Variants in ERG observed in about 807,000 individuals in gnomAD.
ERG encodes transcriptional regulator ERG.
In ERG, 9 loss-of-function variants were observed where a neutral mutation model predicts 55.3. The observed-to-expected ratio is 0.16, with a 90% CI of 0.10 to 0.28. ERG has a LOEUF of 0.28. Among genes scored for constraint, ERG ranks in the 10% least tolerant of loss-of-function variants. The pLI, the probability that ERG is intolerant of heterozygous loss-of-function variation, is 1.00. For synonymous variants in ERG, 223 were observed against 237.3 expected (o/e 0.94, Z 0.55); for missense variants, 434 against 631.6 (o/e 0.69, Z 3.35).
intron 2 of ERG, among the ~76,000 whole-genome samples, chr21:38,535,923 C>T (rs1028292227): frequency 1.3e-5 from 2 of 152,128 alleles, no homozygotes; most frequent in African/African-American, 2.4e-5. Flanking sequence ...TAAGAAAACA[C>T]AATTTTTTTT....
intron 1 of ERG, among the ~76,000 whole-genome samples, chr21:38,658,318 T>C (rs1286248962): frequency 6.6e-6 from 1 of 152,190 alleles, no homozygotes; most frequent in Non-Finnish European, 1.5e-5. Flanking sequence ...GCTCCATAAG[T>C]CTCATTAGAA....
At chr21:38,441,252 C>T (rs1032042400) in intron 2 of ERG, among the ~76,000 whole-genome samples, 1 of 152,184 alleles carries the variant, frequency 6.6e-6, no homozygotes, top group Non-Finnish European at 1.5e-5. Context: ...GCCGTAGCAC[C>T]CAGTGACTTA....
chr21:38,420,938 G>A (rs1398062552), intron 3 of ERG, among the ~76,000 whole-genome samples: 1 of 152,112 alleles, frequency 6.6e-6, no homozygotes, highest in Non-Finnish European at 1.5e-5. Context: ...TAAGGAGGAG[G>A]GCAAAGGGTG....
At chr21:38,431,990 C>T (rs995444502) in intron 2 of ERG, among the ~76,000 whole-genome samples, 3 of 151,788 alleles carry the variant, frequency 2.0e-5, no homozygotes, top group Admixed American at 6.6e-5. Flanking sequence ...GAAGTCAATG[C>T]AAAAACATGA....
chr21:38,486,560 A>G (rs1235470133), intron 1 of ERG, among the ~76,000 whole-genome samples: 1 of 152,238 alleles, frequency 6.6e-6, no homozygotes, highest in East Asian at 1.9e-4. Context: ...TAAATGCAGG[A>G]TTCCTTTCCA....
intron 1 of ERG, among the ~76,000 whole-genome samples, chr21:38,632,981 A>C (rs985777908): frequency 6.6e-6 from 1 of 152,220 alleles, no homozygotes; most frequent in African/African-American, 2.4e-5. Flanking sequence ...AAGCAACCCA[A>C]ATGTCCATGG....
chr21:38,637,634 A>C (rs2060397854), intron 1 of ERG, among the ~76,000 whole-genome samples: 1 of 152,232 alleles, frequency 6.6e-6, no homozygotes, highest in Admixed American at 6.5e-5. Flanking sequence ...TATTAATTAT[A>C]ATTTTAATCA....
intron 1 of ERG, among the ~76,000 whole-genome samples, chr21:38,598,629 C>T (rs1318548464): frequency 6.6e-6 from 1 of 152,178 alleles, no homozygotes; most frequent in South Asian, 2.1e-4. Context: ...CATCCATGCA[C>T]AACTCTCTAA....
chr21:38,499,706 A>G, upstream of ERG, among the ~76,000 whole-genome samples: 1 of 151,366 alleles, frequency 6.6e-6, no homozygotes. Flanking sequence ...CAAAAGAAGG[A>G]GGAGAAGGAG....
chr21:38,572,540 C>T (rs2059965671), intron 2 of ERG, among the ~76,000 whole-genome samples: 1 of 152,062 alleles, frequency 6.6e-6, no homozygotes, highest in South Asian at 2.1e-4. Flanking sequence ...TCAAGAACCC[C>T]AATTTCATAT....
downstream of ERG, among the ~76,000 whole-genome samples, chr21:38,375,293 C>T (rs1250370201): frequency 6.6e-6 from 1 of 152,178 alleles, no homozygotes; most frequent in Non-Finnish European, 1.5e-5. Flanking sequence ...AAAACCCGAC[C>T]TCTATGTTAT....
At chr21:38,542,863 A>C (rs2059762790) in intron 2 of ERG, among the ~76,000 whole-genome samples, 1 of 152,250 alleles carries the variant, frequency 6.6e-6, no homozygotes, top group South Asian at 2.1e-4. Flanking sequence ...TTGCTATCAA[A>C]TTTACTGTTA....
rs534961122 is a variant in ERG at position 38,431,185 on chromosome 21, T to C, written c.237-7624A>G. ...ATATCAAATACATTGGAAATTTTGTTAAATTTGAGTTAAGGAGAGAAGGCA... is the reference window on the plus strand; with the variant it reads ...ATATCAAATACATTGGAAATTTTGTCAAATTTGAGTTAAGGAGAGAAGGCA... On this transcript the variant is annotated intron_variant, in intron 2 of 9. Coordinates refer to ENST00000288319, the MANE Select transcript of ERG (RefSeq NM_182918.4). Among the ~76,000 whole-genome samples, 56 of 152,322 alleles carry C rather than the reference T, an allele frequency of 3.7e-4. No individual in the cohort carries two copies. In the South Asian group the frequency reaches 0.01, roughly 28 times the overall value.
chr21:38,374,216 T>C, the ERG span, among the ~76,000 whole-genome samples: 2 of 152,234 alleles, frequency 1.3e-5, no homozygotes, highest in South Asian at 4.1e-4. Context: ...CCACAGACCC[T>C]GACCCAATGA....
At chr21:38,588,276 A>C (rs991987079), upstream of ERG, among the ~76,000 whole-genome samples, 3 of 152,148 alleles carry the variant, frequency 2.0e-5, no homozygotes, top group African/African-American at 7.2e-5. Context: ...CAACGGCAGA[A>C]AGCCAAGGTC....
At chr21:38,597,383 T>A (rs1244338829) in intron 1 of ERG, among the ~76,000 whole-genome samples, 1 of 152,144 alleles carries the variant, frequency 6.6e-6, no homozygotes, top group Non-Finnish European at 1.5e-5. Context: ...TAAACACACG[T>A]GTGTGTACAT....
intron 2 of ERG, among the ~76,000 whole-genome samples, chr21:38,509,345 G>A (rs1205325930): frequency 6.6e-6 from 1 of 152,174 alleles, no homozygotes; most frequent in African/African-American, 2.4e-5. Flanking sequence ...GCTAAGCATT[G>A]TCGGTCACTG....
intron 4 of ERG, 109 bp downstream of exon 4, chr21:38,403,397 T>G (rs914010660): frequency 1.9e-5 from 20 of 1,067,244 alleles, no homozygotes; most frequent in Non-Finnish European, 2.7e-5. Context: ...CAGTGGGAAC[T>G]GGGCGAGGGC....
intron 1 of ERG, among the ~76,000 whole-genome samples, chr21:38,596,241 T>C (rs2060130976): frequency 6.6e-6 from 1 of 152,186 alleles, no homozygotes; most frequent in South Asian, 2.1e-4. Context: ...GGTCCATTTA[T>C]TGAGAGAGCT....
Sources: gnomAD v4.1 joint callset for allele counts (sites outside exome capture counted in the v4.1 genomes callset) on GRCh38, gnomAD v4.1.1 for gene constraint, MANE v1.5 for transcripts, NCBI Gene and HGNC (gene_info 2026-07-23, HGNC 2026-07-21) for gene names.